SLC9A9: variants seen among roughly 807,000 people sequenced by gnomAD.
The protein encoded by SLC9A9 is sodium/hydrogen exchanger 9.
Under a neutral mutation model 77.8 loss-of-function variants are expected in SLC9A9, and 62 were observed. The ratio of observed to expected loss-of-function variants is 0.80; its 90% CI spans 0.65 to 0.98. The LOEUF (loss-of-function observed/expected upper bound fraction) is 0.98, where lower values mean the gene tolerates loss of function less well. SLC9A9 is among the 50% of genes least tolerant of loss of function. SLC9A9 has a pLI of 0.00. For synonymous variants in SLC9A9, 320 were observed against 283.5 expected, an observed-to-expected ratio of 1.13 and a Z score of -1.29; for missense variants, 775 against 774.9, an observed-to-expected ratio of 1.00 and a Z score of 0.00.
intron 9 of SLC9A9, among the ~76,000 whole-genome samples, chr3:143,510,126 CTT>C (rs2036091779): frequency 6.6e-6 from 1 of 152,136 alleles, no homozygotes; most frequent in African/African-American, 2.4e-5. Flanking sequence ...TGCAGAAAGA[CTT>C]GATAAAATTA....
chr3:143,455,264 T>G (rs1340558423), intron 12 of SLC9A9, among the ~76,000 whole-genome samples: 3 of 152,024 alleles, frequency 2.0e-5, no homozygotes, highest in Non-Finnish European at 4.4e-5. Flanking sequence ...TTTCTTCTGT[T>G]TAGTTAATTT....
At chr3:143,385,612 T>C (rs1218304577) in intron 12 of SLC9A9, among the ~76,000 whole-genome samples, 1 of 152,278 alleles carries the variant, frequency 6.6e-6, no homozygotes, top group Non-Finnish European at 1.5e-5. Flanking sequence ...TACAGCTCTT[T>C]TTAATGCATG....
chr3:143,448,123 T>C (rs947542291), intron 12 of SLC9A9, among the ~76,000 whole-genome samples: 1 of 152,112 alleles, frequency 6.6e-6, no homozygotes, highest in African/African-American at 2.4e-5. Flanking sequence ...TGTGCTTCAT[T>C]GGCCAGACAG....
At chr3:143,829,655 G>T (rs1247635850) in intron 2 of SLC9A9, among the ~76,000 whole-genome samples, 1 of 152,062 alleles carries the variant, frequency 6.6e-6, no homozygotes, top group East Asian at 1.9e-4. Flanking sequence ...ATTAATAAAA[G>T]AAATACACAT....
At chr3:143,676,990 T>C (rs1382301718) in intron 5 of SLC9A9, among the ~76,000 whole-genome samples, 1 of 152,178 alleles carries the variant, frequency 6.6e-6, no homozygotes, top group East Asian at 1.9e-4. Flanking sequence ...CAGCTTAAGA[T>C]GACACACATG....
chr3:143,616,827 T>C (rs1432963181), intron 6 of SLC9A9, among the ~76,000 whole-genome samples: 2 of 152,192 alleles, frequency 1.3e-5, no homozygotes, highest in South Asian at 2.1e-4. Flanking sequence ...TTGTTTGACA[T>C]TGTTAAATTA....
chr3:143,399,062 A>G (rs1026735167), intron 12 of SLC9A9, among the ~76,000 whole-genome samples: 3 of 152,020 alleles, frequency 2.0e-5, no homozygotes, highest in Non-Finnish European at 4.4e-5. Flanking sequence ...TTTCACTTCT[A>G]TTTTTACTTT....
At chr3:143,508,108 A>G (rs146102940) in intron 9 of SLC9A9, among the ~76,000 whole-genome samples, 1,692 of 152,322 alleles carry the variant, frequency 0.011, 32 homozygotes, top group African/African-American at 0.038. Flanking sequence ...AAGGTGTCTG[A>G]ACTGAATACC....
chr3:143,793,250 AAC>A (rs370687701), intron 4 of SLC9A9, among the ~76,000 whole-genome samples: 24 of 151,028 alleles, frequency 1.6e-4, no homozygotes, highest in Non-Finnish European at 2.7e-4. Context: ...AATTATATAC[AAC>A]ACACACACAC....
chr3:143,276,776 TAAAA>T (rs372123185), intron 14 of SLC9A9, among the ~76,000 whole-genome samples: 8 of 143,670 alleles, frequency 5.6e-5, no homozygotes, highest in Non-Finnish European at 1.1e-4. Flanking sequence ...GAGTTTTGTC[TAAAA>T]AAAAAAACCT....
At chr3:143,385,010 G>A (rs1223709158) in intron 12 of SLC9A9, among the ~76,000 whole-genome samples, 1 of 152,152 alleles carries the variant, frequency 6.6e-6, no homozygotes, top group African/African-American at 2.4e-5. Context: ...TGTGTAAGGG[G>A]GATATTCTAA....
intron 14 of SLC9A9, among the ~76,000 whole-genome samples, chr3:143,284,637 A>G (rs977710352): frequency 2.0e-5 from 3 of 152,108 alleles, no homozygotes; most frequent in African/African-American, 7.2e-5. Flanking sequence ...TTTTTAACTC[A>G]ACCTGAGTCT....
rs1000664369 is a variant in SLC9A9 at position 143,677,896 on chromosome 3, G to C, written c.649+15296C>G. Among the ~76,000 whole-genome samples the C allele has an allele frequency of 2.1e-5, 3 of 141,964 alleles. No individual in the cohort carries two copies. The South Asian group carries it at 7.0e-4, about 33-fold the overall frequency. 93.1% of individuals were successfully genotyped at this position (141,964 alleles called of 152,430 possible). On this transcript the variant is annotated intron_variant, in intron 5 of 15. Transcript: ENST00000316549. The stretch of plus-strand genomic sequence containing the variant: ...GGCTGGAGTGCAGTGGCACAATCTC[G>C]GCTCACTGCAAGCTCTGCCCCCCTG...
intron 4 of SLC9A9, among the ~76,000 whole-genome samples, chr3:143,788,276 A>G (rs56797562): frequency 0.051 from 7,811 of 152,278 alleles, 312 homozygotes; most frequent in African/African-American, 0.11. Context: ...TTTAGAAGAG[A>G]ATGTCTTTCT....
chr3:143,678,259 T>C (rs1932948458), intron 5 of SLC9A9, among the ~76,000 whole-genome samples: 1 of 152,216 alleles, frequency 6.6e-6, no homozygotes, highest in African/African-American at 2.4e-5. Flanking sequence ...GTGTTGCCTA[T>C]CTATTGACTG....
chr3:143,698,668 T>C (rs1423334974), intron 4 of SLC9A9, among the ~76,000 whole-genome samples: 2 of 152,174 alleles, frequency 1.3e-5, no homozygotes, highest in Admixed American at 1.3e-4. Flanking sequence ...TTAATCTCAG[T>C]ATTCTTTAAA....
intron 6 of SLC9A9, among the ~76,000 whole-genome samples, chr3:143,621,360 C>T (rs1032793104): frequency 2.0e-5 from 3 of 152,130 alleles, no homozygotes; most frequent in East Asian, 3.9e-4. Flanking sequence ...CTGGGAGGCA[C>T]CCCCCAGTAG....
At chr3:143,289,524 T>C (rs1015387554) in intron 14 of SLC9A9, among the ~76,000 whole-genome samples, 4 of 152,254 alleles carry the variant, frequency 2.6e-5, no homozygotes, top group South Asian at 2.1e-4. Flanking sequence ...ATGCCCCCTG[T>C]CTCATTGAAC....
chr3:143,549,197 C>T (rs1014354021), intron 9 of SLC9A9, among the ~76,000 whole-genome samples: 4 of 152,210 alleles, frequency 2.6e-5, no homozygotes, highest in Non-Finnish European at 5.9e-5. Context: ...ACTTGTAATT[C>T]GTTTCCCATG....
Sources: allele counts gnomAD v4.1 joint callset (sites outside exome capture counted in the v4.1 genomes callset), GRCh38; gene constraint gnomAD v4.1.1; transcripts MANE v1.5; gene names NCBI Gene and HGNC (gene_info 2026-07-23, HGNC 2026-07-21).